Variants in LRRN2 observed in about 807,000 individuals in gnomAD.
LRRN2 encodes leucine-rich repeat neuronal protein 2.
Under a neutral mutation model 35.7 loss-of-function variants are expected in LRRN2, and 10 were observed. The ratio of observed to expected loss-of-function variants is 0.28; its 90% CI spans 0.17 to 0.47. LRRN2 has a LOEUF of 0.47. Ranked by LOEUF, LRRN2 falls within the 20% of genes least tolerant of loss-of-function variation. The probability of loss-of-function intolerance (pLI) is 0.99; values close to 1 mark genes in which losing one functional copy is unlikely to be tolerated. For synonymous variants in LRRN2, 391 were observed against 409.6 expected (o/e 0.95, Z 0.55); for missense variants, 731 against 940.3 (o/e 0.78, Z 2.91).
intron 1 of LRRN2, among the ~76,000 whole-genome samples, chr1:204,647,567 G>T (rs952637427): frequency 1.3e-5 from 2 of 152,178 alleles, no homozygotes; most frequent in Non-Finnish European, 2.9e-5. Context: ...TGGAGGATGG[G>T]CAGGTAAGAA....
chr1:204,655,936 G>A (rs571498942), intron 1 of LRRN2, among the ~76,000 whole-genome samples: 12 of 152,208 alleles, frequency 7.9e-5, no homozygotes, highest in African/African-American at 2.4e-4. Flanking sequence ...TTGAGACGGA[G>A]TCTCGCTCTG....
intron 1 of LRRN2, among the ~76,000 whole-genome samples, chr1:204,658,334 G>T (rs1341709256): frequency 6.6e-6 from 1 of 152,126 alleles, no homozygotes; most frequent in African/African-American, 2.4e-5. Context: ...GAGGAAGGGG[G>T]TCTCCCAAAT....
Position 204,620,045 on chromosome 1 carries a change from CTT to C in LRRN2, c.-55_-54del, listed in dbSNP as rs565304397. ...CACAAGAAGAGTCTGGAGTCCTGCT[CTT>C]TGTGTTTTGCAGGGTAAGGGTCAGC... On this transcript the variant is annotated 5_prime_UTR_variant, in exon 2 of 2. Transcript: ENST00000367177. 1.0e-3 allele frequency: 1,557 copies of C among 1,553,966 alleles called. 6 individuals are homozygous for C. The Middle Eastern group carries it at 0.01, about 10-fold the overall frequency.
At chr1:204,668,233 C>T (rs1213941974) in intron 1 of LRRN2, among the ~76,000 whole-genome samples, 1 of 152,184 alleles carries the variant, frequency 6.6e-6, no homozygotes, top group Non-Finnish European at 1.5e-5. Flanking sequence ...CTCCCCCTTC[C>T]ACTACTGTGG....
intron 1 of LRRN2, among the ~76,000 whole-genome samples, chr1:204,673,742 G>T (rs758878921): frequency 1.1e-4 from 16 of 152,186 alleles, no homozygotes; most frequent in Non-Finnish European, 1.9e-4. Flanking sequence ...GTGGAGAGGG[G>T]TCTGGCCCCT....
intron 1 of LRRN2, among the ~76,000 whole-genome samples, chr1:204,638,397 T>C (rs1423137665): frequency 7.1e-6 from 1 of 140,962 alleles, no homozygotes; most frequent in East Asian, 2.1e-4. Flanking sequence ...TTGCCCAAGG[T>C]CTTCCTTTTT....
chr1:204,618,570 G>A lies in LRRN2; in HGVS notation c.1423C>T (p.Arg475Trp), dbSNP rs1227136855. 7.4e-6 allele frequency: 12 copies of A among 1,613,992 alleles called. No homozygotes were observed. The highest frequency in any genetic ancestry group is 1.1e-5 in the South Asian group (1 of 91,078). Residue 475 changes from arginine to tryptophan, a missense_variant, in exon 2 of 2, where the codon CGG (arginine) becomes TGG (tryptophan). Transcript: ENST00000367177. Reference sequence around the variant, plus strand: ...TCCAGGGTCCCCTCGGGGTACACCCGGTACCTCCTGCCTGCATGGGCAGGT... The same window carrying A: ...TCCAGGGTCCCCTCGGGGTACACCCAGTACCTCCTGCCTGCATGGGCAGGT... ...LTPAHAGRRY[R>W]VYPEGTLELR...
chr1:204,666,412 T>C (rs1035891079), intron 1 of LRRN2, among the ~76,000 whole-genome samples: 30 of 152,358 alleles, frequency 2.0e-4, no homozygotes, highest in Admixed American at 1.4e-3. Flanking sequence ...CCTCATTCAG[T>C]TGAGCTTGTA....
rs565676117 is a variant in LRRN2 at position 204,619,252 on chromosome 1, G to A, written c.741C>T (p.Asn247=). The part of the protein sequence containing the change: ...QSLESLSFYD[N]QLARVPRRAL... ...CCCGCCTGGGCACCCGGGCCAGCTGGTTGTCATAGAAGGAGAGGCTCTCCA... is the reference window on the plus strand; with the variant it reads ...CCCGCCTGGGCACCCGGGCCAGCTGATTGTCATAGAAGGAGAGGCTCTCCA... Residue 247 remains asparagine, a synonymous_variant, in exon 2 of 2, where the codon AAC becomes AAT. Transcript: ENST00000367177. 1.3e-5 allele frequency: 21 copies of A among 1,614,184 alleles called. No individual in the cohort carries two copies. The African/African-American group carries it at 2.3e-4, about 17-fold the overall frequency.
intron 1 of LRRN2, among the ~76,000 whole-genome samples, chr1:204,636,195 G>A (rs887709635): frequency 3.9e-5 from 6 of 152,126 alleles, no homozygotes; most frequent in African/African-American, 1.4e-4. Flanking sequence ...CAGAACATGC[G>A]TATGGCCTCA....
intron 1 of LRRN2, among the ~76,000 whole-genome samples, chr1:204,670,728 C>CAA (rs34945535): frequency 0.038 from 5,603 of 148,438 alleles, 318 homozygotes; most frequent in African/African-American, 0.12. Context: ...AAGAAAGTGT[C>CAA]AAAAAAAAAA....
rs1186258035 is a variant in LRRN2, at chr1:204,673,092, A to AGT, written c.-227+12227_-227+12228insAC. Reference sequence around the variant, plus strand: ...TCCCTCTCCCTCTGTCAGATGATATATGCTTAGAGAATGCACCAGCAACTT... The same window carrying AGT: ...TCCCTCTCCCTCTGTCAGATGATATAGTTGCTTAGAGAATGCACCAGCAACTT... On this transcript the variant is annotated intron_variant, in intron 1 of 1. Transcript: ENST00000367177. 2.6e-5 allele frequency among the ~76,000 whole-genome samples: 4 copies of AGT among 152,294 alleles called. No homozygotes were observed. The East Asian group carries it at 7.7e-4, about 29-fold the overall frequency.
At chr1:204,675,694 A>T (rs1668811209) in intron 1 of LRRN2, among the ~76,000 whole-genome samples, 1 of 152,222 alleles carries the variant, frequency 6.6e-6, no homozygotes, top group Admixed American at 6.5e-5. Context: ...CTCCCTTGTC[A>T]TGGAACATAA....
At chr1:204,620,439 A>C (rs1252912744) in intron 1 of LRRN2, 1 of 194,084 alleles carries the variant, frequency 5.2e-6, no homozygotes, top group Non-Finnish European at 1.2e-5. Flanking sequence ...ACTCCTGGCT[A>C]ATTTTTGTAT....
chr1:204,635,205 C>G (rs1019122434), intron 1 of LRRN2, among the ~76,000 whole-genome samples: 3 of 152,144 alleles, frequency 2.0e-5, no homozygotes, highest in African/African-American at 2.4e-5. Flanking sequence ...TATTTGCTGA[C>G]TACTGAACCC....
chr1:204,639,767 T>C (rs1667938589), intron 1 of LRRN2, among the ~76,000 whole-genome samples: 1 of 152,218 alleles, frequency 6.6e-6, no homozygotes, highest in South Asian at 2.1e-4. Flanking sequence ...CACTATCTCT[T>C]TTAATCCTCA....
At chr1:204,676,778 T>C (rs144515034) in intron 1 of LRRN2, among the ~76,000 whole-genome samples, 387 of 152,012 alleles carry the variant, frequency 2.5e-3, no homozygotes, top group African/African-American at 8.9e-3. Context: ...CCTGGGGAAA[T>C]TGAGAAAAGG....
intron 1 of LRRN2, among the ~76,000 whole-genome samples, chr1:204,660,676 T>C (rs149404918): frequency 2.4e-4 from 36 of 152,196 alleles, no homozygotes; most frequent in Non-Finnish European, 4.0e-4. Context: ...TTCCCATCCT[T>C]GGGAAAGCCC....
chr1:204,671,395 T>TG lies in LRRN2; in HGVS notation c.-227+13924_-227+13925insC, dbSNP rs1558422408. On this transcript the variant is annotated intron_variant, in intron 1 of 1. Coordinates refer to ENST00000367177, the MANE Select transcript of LRRN2 (RefSeq NM_201630.2). Reference sequence around the variant, plus strand: ...TGAGTTTGTAGAAGTAGCAATCTGTTTGTGTGTTTGTGTGTGTGTGTGTGT... The same window carrying TG: ...TGAGTTTGTAGAAGTAGCAATCTGTTGTGTGTGTTTGTGTGTGTGTGTGTGT... Among the ~76,000 whole-genome samples the TG allele has an allele frequency of 5.2e-4, 73 of 141,536 alleles. 1 individual carries two copies. The highest frequency in any genetic ancestry group is 3.5e-3 in the Middle Eastern group (1 of 284). The allele number at this position is 141,536 out of a possible 152,430, so 92.9% of individuals were successfully genotyped here. A position where few individuals can be genotyped will look rare whatever the true frequency, so the allele number is the denominator to read the frequency against.
Sources: allele counts gnomAD v4.1 joint callset (sites outside exome capture counted in the v4.1 genomes callset), GRCh38; gene constraint gnomAD v4.1.1; transcripts MANE v1.5; gene names NCBI Gene and HGNC (gene_info 2026-07-23, HGNC 2026-07-21).